PRKG1: variants seen among roughly 807,000 people sequenced by gnomAD.
The protein encoded by PRKG1 is protein kinase cGMP-dependent 1, also known as cGMP-dependent protein kinase 1.
Under a neutral mutation model 88.1 loss-of-function variants are expected in PRKG1, and 35 were observed. The ratio of observed to expected loss-of-function variants is 0.40; its 90% CI spans 0.30 to 0.53. The LOEUF is 0.53. Among genes scored for constraint, PRKG1 ranks in the 20% least tolerant of loss-of-function variants. The probability of loss-of-function intolerance (pLI) is 0.59; values close to 1 mark genes in which losing one functional copy is unlikely to be tolerated. For synonymous variants in PRKG1, 303 were observed against 292.5 expected (o/e 1.04, Z -0.37); for missense variants, 540 against 839.8 (o/e 0.64, Z 4.41).
chr10:51,212,261 A>G (rs1838242566), intron 2 of PRKG1, among the ~76,000 whole-genome samples: 1 of 151,776 alleles, frequency 6.6e-6, no homozygotes, highest in Non-Finnish European at 1.5e-5. Flanking sequence ...CTGGCTAGCC[A>G]TATGTAGAAA....
chr10:51,370,787 G>A (rs1042728457), intron 2 of PRKG1, among the ~76,000 whole-genome samples: 1 of 151,952 alleles, frequency 6.6e-6, no homozygotes, highest in African/African-American at 2.4e-5. Context: ...TATTTTACAT[G>A]AGGTTTTTTT....
At chr10:51,456,553 A>G (rs1839591327) in intron 2 of PRKG1, among the ~76,000 whole-genome samples, 1 of 152,216 alleles carries the variant, frequency 6.6e-6, no homozygotes. Context: ...TTCATGACAA[A>G]GAACCCAAAA....
At chr10:51,662,752 A>T (rs11595391) in intron 3 of PRKG1, among the ~76,000 whole-genome samples, 72,228 of 152,036 alleles carry the variant, frequency 0.48, 18,750 homozygotes, top group East Asian at 0.72. Context: ...AAAACTTCAG[A>T]GATGGGAATA....
chr10:52,179,471 G>A (rs1404316387), intron 9 of PRKG1, among the ~76,000 whole-genome samples: 2 of 151,896 alleles, frequency 1.3e-5, no homozygotes, highest in African/African-American at 4.8e-5. Context: ...TTCTAATGGG[G>A]GTTCCCTTAT....
In PRKG1 at chr10:51,891,027, C is replaced by T. The variant is rs550138329; in HGVS notation, c.699-16480C>T. On this transcript the variant is annotated intron_variant, in intron 4 of 17. Coordinates refer to ENST00000373980, the MANE Select transcript of PRKG1 (RefSeq NM_006258.4). ...CTGTAATCCCAGCATTTTGGGAGAC[C>T]GAAGAGGGAGGACCCCTTGAACTTA... Among the ~76,000 whole-genome samples the T allele has an allele frequency of 3.3e-5, 5 of 152,076 alleles. No homozygotes were observed. The South Asian group carries it at 6.2e-4, about 19-fold the overall frequency.
chr10:51,576,612 T>C (rs915815589), intron 3 of PRKG1, among the ~76,000 whole-genome samples: 2 of 151,988 alleles, frequency 1.3e-5, no homozygotes, highest in Non-Finnish European at 2.9e-5. Flanking sequence ...ACCCATTTTA[T>C]GTTGTGGCAC....
At chr10:52,052,628 G>A (rs901080061) in intron 5 of PRKG1, among the ~76,000 whole-genome samples, 3 of 151,910 alleles carry the variant, frequency 2.0e-5, no homozygotes, top group Non-Finnish European at 4.4e-5. Flanking sequence ...GAAGGCAAAA[G>A]GCACTCTTAC....
intron 6 of PRKG1, among the ~76,000 whole-genome samples, chr10:52,062,296 T>C (rs1846255371): frequency 6.6e-6 from 1 of 152,162 alleles, no homozygotes; most frequent in Non-Finnish European, 1.5e-5. Flanking sequence ...TCAAATTTAC[T>C]GGTAATGTAT....
chr10:51,548,032 C>G (rs1206393279), intron 3 of PRKG1, among the ~76,000 whole-genome samples: 1 of 151,966 alleles, frequency 6.6e-6, no homozygotes, highest in Non-Finnish European at 1.5e-5. Flanking sequence ...TACAAATAGG[C>G]TGTTTTGCCT....
At chr10:52,257,509 T>C (rs750336157) in intron 10 of PRKG1, among the ~76,000 whole-genome samples, 7 of 139,616 alleles carry the variant, frequency 5.0e-5, no homozygotes, top group Non-Finnish European at 1.1e-4. Context: ...TGAAACAGAA[T>C]AGCTATGGAG....
chr10:51,821,691 T>C (rs1433404916), intron 4 of PRKG1, among the ~76,000 whole-genome samples: 1 of 152,066 alleles, frequency 6.6e-6, no homozygotes, highest in African/African-American at 2.4e-5. Context: ...CTATATATAT[T>C]GACCTTATAT....
chr10:51,156,179 G>C (rs1047225753), intron 2 of PRKG1, among the ~76,000 whole-genome samples: 4 of 151,744 alleles, frequency 2.6e-5, no homozygotes, highest in Non-Finnish European at 5.9e-5. Context: ...ATATCCCGTA[G>C]CTTAAATACT....
chr10:51,525,342 G>A (rs572629616), intron 3 of PRKG1, among the ~76,000 whole-genome samples: 2 of 152,342 alleles, frequency 1.3e-5, no homozygotes, highest in South Asian at 4.1e-4. Context: ...TTATTTGAAA[G>A]TAGGCTCTAA....
chr10:52,177,415 T>G (rs1589676007), intron 9 of PRKG1, among the ~76,000 whole-genome samples: 1 of 152,134 alleles, frequency 6.6e-6, no homozygotes, highest in Admixed American at 6.6e-5. Flanking sequence ...ACACTTTTAT[T>G]GAAGATGTTT....
intron 2 of PRKG1, among the ~76,000 whole-genome samples, chr10:51,268,319 C>A (rs1349663119): frequency 5.3e-5 from 8 of 152,044 alleles, no homozygotes; most frequent in Non-Finnish European, 1.5e-5. Context: ...CTGGTCTGAC[C>A]ACAATTTATT....
At chr10:51,690,926 C>CA (rs942329676) in intron 3 of PRKG1, among the ~76,000 whole-genome samples, 2,195 of 37,212 alleles carry the variant, frequency 0.059, 147 homozygotes, top group African/African-American at 0.095. Flanking sequence ...GACTCTGTCT[C>CA]AAAAAAAAAA....
chr10:51,022,958 C>T (rs550720002), intron 1 of PRKG1, among the ~76,000 whole-genome samples: 1 of 152,292 alleles, frequency 6.6e-6, no homozygotes, highest in Non-Finnish European at 1.5e-5. Flanking sequence ...GATCGCACTA[C>T]TGCACTCCAG....
chr10:51,909,393 T>G (rs1842164572), intron 5 of PRKG1: 1 of 152,014 alleles, frequency 6.6e-6, no homozygotes, highest in South Asian at 2.1e-4. Flanking sequence ...AGCCAACAAT[T>G]ATTATAAAAC....
At chr10:51,516,684 C>A (rs1266221893) in intron 3 of PRKG1, among the ~76,000 whole-genome samples, 1 of 152,192 alleles carries the variant, frequency 6.6e-6, no homozygotes, top group African/African-American at 2.4e-5. Context: ...GGGACTGAAA[C>A]ACCTTCTAGC....
Sources: gnomAD v4.1 joint callset for allele counts (sites outside exome capture counted in the v4.1 genomes callset) on GRCh38, gnomAD v4.1.1 for gene constraint, MANE v1.5 for transcripts, NCBI Gene and HGNC (gene_info 2026-07-23, HGNC 2026-07-21) for gene names.